Variants in IFI27L1 observed in about 807,000 individuals in gnomAD.
IFI27L1 encodes the protein interferon alpha-inducible protein 27-like protein 1.
A neutral mutation model predicts 9.2 loss-of-function variants in IFI27L1; 3 were observed. That is an observed-to-expected ratio of 0.32 (90% confidence interval 0.15 to 0.84). The LOEUF is 0.84. Among genes scored for constraint, IFI27L1 ranks in the 40% least tolerant of loss-of-function variants. IFI27L1 has a pLI of 0.56. For synonymous variants in IFI27L1, 53 were observed against 50.0 expected (o/e 1.06, Z -0.26); for missense variants, 133 against 134.2 (o/e 0.99, Z 0.05).
chr14:94,094,119 C>T (rs1886583174), intron 1 of IFI27L1, among the ~76,000 whole-genome samples: 1 of 152,058 alleles, frequency 6.6e-6, no homozygotes, highest in African/African-American at 2.4e-5. Flanking sequence ...GGGTTTGAGG[C>T]CCAATTTAGG....
Position 94,101,797 on chromosome 14 carries a change from A to G in IFI27L1, c.62-17A>G. On this transcript the variant is annotated splice_polypyrimidine_tract_variant and intron_variant, in intron 3 of 4. Coordinates refer to ENST00000555523, the MANE Select transcript of IFI27L1 (RefSeq NM_206949.3). ...CTCCGTCCCATGGGGCCAACCCCAA[A>G]TCTCCACTTCCCGCAGTTGTGGCTG... The G allele has an allele frequency of 1.2e-6, 2 of 1,614,002 alleles. No homozygotes were observed. The highest frequency in any genetic ancestry group is 2.2e-5 in the South Asian group (2 of 91,082).
intron 1 of IFI27L1, among the ~76,000 whole-genome samples, chr14:94,092,157 C>G (rs1886502362): frequency 6.6e-6 from 1 of 150,834 alleles, no homozygotes; most frequent in Non-Finnish European, 1.5e-5. Flanking sequence ...GAAAGAAAAT[C>G]TTAAGAGAGA....
At chr14:94,083,714 C>A (rs1368262053) in intron 1 of IFI27L1, among the ~76,000 whole-genome samples, 6 of 152,180 alleles carry the variant, frequency 3.9e-5, no homozygotes, top group African/African-American at 7.2e-5. Context: ...TTGTACTATT[C>A]TTTCAACTTT....
At chr14:94,093,794 G>A (rs1407742721) in intron 1 of IFI27L1, among the ~76,000 whole-genome samples, 1 of 152,046 alleles carries the variant, frequency 6.6e-6, no homozygotes, top group Non-Finnish European at 1.5e-5. Context: ...TCCCCTACTG[G>A]AACAAATTTC....
At chr14:94,097,722 C>T in intron 2 of IFI27L1, 1 of 701,856 alleles carries the variant, frequency 1.4e-6, no homozygotes, top group Non-Finnish European at 2.6e-6. Context: ...GGAGAGAAAC[C>T]ATGTGGAGTC....
At chr14:94,087,516 C>T (rs1339560513) in intron 1 of IFI27L1, among the ~76,000 whole-genome samples, 1 of 152,202 alleles carries the variant, frequency 6.6e-6, no homozygotes, top group Non-Finnish European at 1.5e-5. Flanking sequence ...AGCTCCGCCT[C>T]CCAGGCTTCA....
chr14:94,097,205 A>C (rs1181058909), intron 2 of IFI27L1, among the ~76,000 whole-genome samples: 1 of 152,234 alleles, frequency 6.6e-6, no homozygotes, highest in East Asian at 1.9e-4. Context: ...AAGGTTTTTA[A>C]AAGCAAAACA....
chr14:94,098,877 T>TA (rs1886779222), intron 2 of IFI27L1, among the ~76,000 whole-genome samples: 1 of 152,222 alleles, frequency 6.6e-6, no homozygotes, highest in African/African-American at 2.4e-5. Context: ...CTCATTATCT[T>TA]ACACATTTTA....
At chr14:94,100,545 C>T in intron 2 of IFI27L1, 194 bp from the exon 3 acceptor site, 1 of 985,422 alleles carries the variant, frequency 1.0e-6, no homozygotes, top group Non-Finnish European at 1.2e-6. Flanking sequence ...GGGGAGGCTT[C>T]CTGCAGAAGG....
chr14:94,086,762 G>C (rs1886294645), intron 1 of IFI27L1, among the ~76,000 whole-genome samples: 6 of 152,156 alleles, frequency 3.9e-5, no homozygotes, highest in Admixed American at 2.6e-4. Flanking sequence ...CTGCTCTTAG[G>C]GTCTTGGAAG....
At chr14:94,092,323 T>G (rs1886508515) in intron 1 of IFI27L1, among the ~76,000 whole-genome samples, 1 of 151,434 alleles carries the variant, frequency 6.6e-6, no homozygotes, top group Admixed American at 6.6e-5. Context: ...ACCAGCCAGA[T>G]CAACATGGTG....
intron 3 of IFI27L1, chr14:94,101,086 C>G (rs1001859067): frequency 1.8e-6 from 1 of 552,984 alleles, no homozygotes. Flanking sequence ...CCCATGGTAT[C>G]CTTGGGGACT....
chr14:94,081,650 C>T (rs1416371490), intron 1 of IFI27L1, among the ~76,000 whole-genome samples: 1 of 152,156 alleles, frequency 6.6e-6, no homozygotes, highest in African/African-American at 2.4e-5. Flanking sequence ...CGCGTCCATC[C>T]TAGGTACAAT....
At chr14:94,102,289 C>CA (rs1444681933) in intron 4 of IFI27L1, among the ~76,000 whole-genome samples, 188 bp from the exon 5 acceptor site, 2 of 142,622 alleles carry the variant, frequency 1.4e-5, no homozygotes, top group Non-Finnish European at 3.1e-5. Flanking sequence ...GCCTCCTCTT[C>CA]GGGCAGTGGC....
intron 1 of IFI27L1, among the ~76,000 whole-genome samples, chr14:94,082,697 G>A (rs1324189855): frequency 6.6e-6 from 1 of 152,228 alleles, no homozygotes; most frequent in African/African-American, 2.4e-5. Flanking sequence ...AAGCCTGGAT[G>A]ACAGCACAAC....
Position 94,100,769 on chromosome 14 carries a change from G to A in IFI27L1, c.59G>A (p.Gly20Glu). 1 of 1,613,658 alleles carries A rather than the reference G, an allele frequency of 6.2e-7. No homozygotes were observed. The highest frequency in any genetic ancestry group is 8.5e-7 in the Non-Finnish European group (1 of 1,179,924). ...GRAAVAAVVG[G>E]VVAVGTVLVA... ...GCTGCTGTAGCAGCTGTGGTCGGAG[G>A]AGGTGAGTCTCTATGGGAAGGAACT... Residue 20 changes from glycine to glutamate, a missense_variant and splice_region_variant, in exon 3 of 5, where the codon GGA becomes GAA. By Grantham distance (98) the Gly-to-Glu change is moderately conservative (BLOSUM62 -2). Coordinates refer to ENST00000555523, the MANE Select transcript of IFI27L1 (RefSeq NM_206949.3).
chr14:94,088,146 C>T (rs1886343819), intron 1 of IFI27L1: 1 of 656,164 alleles, frequency 1.5e-6, no homozygotes, highest in Non-Finnish European at 2.8e-6. Flanking sequence ...TTGTGCCAAG[C>T]TGACTCCCCT....
intron 1 of IFI27L1, among the ~76,000 whole-genome samples, chr14:94,089,601 G>A (rs1886401566): frequency 1.3e-5 from 2 of 152,128 alleles, no homozygotes; most frequent in Admixed American, 6.5e-5. Flanking sequence ...TGTATCGTGT[G>A]CCTATCTCCT....
intron 1 of IFI27L1, among the ~76,000 whole-genome samples, chr14:94,095,909 A>G (rs1321069392): frequency 6.6e-6 from 1 of 152,232 alleles, no homozygotes; most frequent in Non-Finnish European, 1.5e-5. Flanking sequence ...ATAGAGAACA[A>G]TGTTGCATTG....
Sources: allele counts gnomAD v4.1 joint callset (sites outside exome capture counted in the v4.1 genomes callset), GRCh38; gene constraint gnomAD v4.1.1; transcripts MANE v1.5; gene names NCBI Gene and HGNC (gene_info 2026-07-23, HGNC 2026-07-21).